C5orf46: variants seen among roughly 807,000 people sequenced by gnomAD.
C5orf46 encodes uncharacterized protein C5orf46.
C5orf46 carries 9 observed loss-of-function variants against 8.9 expected under a neutral mutation model. The ratio of observed to expected loss-of-function variants is 1.01; its 90% CI spans 0.61 to 1.76. The LOEUF (loss-of-function observed/expected upper bound fraction) is 1.76. C5orf46 is among the 40% of genes most tolerant of loss of function. The pLI is 0.00. For synonymous variants in C5orf46, 47 were observed against 41.4 expected (o/e 1.14, Z -0.52); for missense variants, 98 against 107.8 (o/e 0.91, Z 0.40).
chr5:147,899,759 T>C (rs1432324530), intron 2 of C5orf46, among the ~76,000 whole-genome samples: 1 of 152,188 alleles, frequency 6.6e-6, no homozygotes, highest in Non-Finnish European at 1.5e-5. Flanking sequence ...ATAGAATAGT[T>C]TCTGAGGAAG....
At chr5:147,896,072 A>T (rs930179764) in intron 3 of C5orf46, among the ~76,000 whole-genome samples, 1 of 152,196 alleles carries the variant, frequency 6.6e-6, no homozygotes, top group African/African-American at 2.4e-5. Context: ...AACTAAGCAA[A>T]GGGGTGGTGT....
intron 1 of C5orf46, among the ~76,000 whole-genome samples, chr5:147,904,299 A>C (rs149092156): frequency 1.7e-3 from 262 of 152,356 alleles, no homozygotes; most frequent in Non-Finnish European, 3.2e-3. Context: ...GTTACAGCAG[A>C]GAAGACAGAT....
chr5:147,901,518 T>C (rs1757668718), intron 2 of C5orf46, 111 bp downstream of exon 2: 1 of 959,550 alleles, frequency 1.0e-6, no homozygotes, highest in Admixed American at 3.0e-5. Context: ...AAATAACACA[T>C]TTACTTATGC....
rs771350207 is a variant in C5orf46 at position 147,906,414 on chromosome 5, G to A, written c.70+18C>T. On this transcript the variant is annotated intron_variant, in intron 1 of 3. Transcript: ENST00000318315. ...CTAACTACTGAACAATTCATGGGCT[G>A]TGATCAGAAGCACTTACCTGCATAG... The A allele has an allele frequency of 1.3e-6, 2 of 1,574,102 alleles. No individual in the cohort carries two copies. The highest frequency in any genetic ancestry group is 1.7e-5 in the Admixed American group (1 of 59,468).
chr5:147,905,093 T>C (rs1213567476), intron 1 of C5orf46, among the ~76,000 whole-genome samples: 1 of 152,038 alleles, frequency 6.6e-6, no homozygotes, highest in East Asian at 1.9e-4. Context: ...TATTAAACGA[T>C]TGATATCCTA....
At chr5:147,895,174 A>G (rs900592289) in intron 3 of C5orf46, among the ~76,000 whole-genome samples, 1 of 152,100 alleles carries the variant, frequency 6.6e-6, no homozygotes, top group African/African-American at 2.4e-5. Flanking sequence ...TATAATCGGA[A>G]CAGTTTAGGA....
chr5:147,900,201 C>G (rs988355424), intron 2 of C5orf46, among the ~76,000 whole-genome samples: 1 of 152,056 alleles, frequency 6.6e-6, no homozygotes, highest in Admixed American at 6.6e-5. Flanking sequence ...TTTACATTAA[C>G]AGTCTTGGAA....
intron 2 of C5orf46, among the ~76,000 whole-genome samples, chr5:147,898,970 T>C (rs930611617): frequency 6.6e-6 from 1 of 152,130 alleles, no homozygotes; most frequent in African/African-American, 2.4e-5. Flanking sequence ...GCATCAGACA[T>C]ATTGGAGTAA....
chr5:147,905,153 A>G (rs538376312), intron 1 of C5orf46, among the ~76,000 whole-genome samples: 1 of 152,166 alleles, frequency 6.6e-6, no homozygotes, highest in African/African-American at 2.4e-5. Flanking sequence ...TTCAAGTATT[A>G]TATGGGATAG....
At chr5:147,901,908 A>T in intron 1 of C5orf46, 135 bp from the exon 2 acceptor site, 1 of 852,560 alleles carries the variant, frequency 1.2e-6, no homozygotes, top group Non-Finnish European at 1.8e-6. Flanking sequence ...TTCATCGAAC[A>T]TTTAATGCCT....
chr5:147,900,352 G>A (rs1445901242), intron 2 of C5orf46, among the ~76,000 whole-genome samples: 2 of 152,102 alleles, frequency 1.3e-5, no homozygotes, highest in Non-Finnish European at 2.9e-5. Flanking sequence ...AAGCAGATCA[G>A]AGATTACAAA....
At chr5:147,886,425 GATC>G (rs749937425) in intron 2 of C5orf46, 1 of 151,320 alleles carries the variant, frequency 6.6e-6, no homozygotes, top group Non-Finnish European at 1.5e-5. Flanking sequence ...TTATTTTAAA[GATC>G]ATCAGAATAT....
At position 147,892,871 on chromosome 5, in the gene C5orf46, T is replaced by G. The variant is rs1757522682; in HGVS notation, c.*78A>C. The G allele has an allele frequency of 6.6e-6, 1 of 152,168 alleles. No homozygotes were observed. The highest frequency in any genetic ancestry group is 1.5e-5 in the Non-Finnish European group (1 of 68,030). The allele number at this position is 152,168 out of a possible 1,614,324, so 9.4% of individuals were successfully genotyped here. ...CTTTGAGGGCTCTGTCCTGGAGGACTTGTGGAGCCAAACTGGAAAAGCAGG... is the reference window on the plus strand; with the variant it reads ...CTTTGAGGGCTCTGTCCTGGAGGACGTGTGGAGCCAAACTGGAAAAGCAGG... On this transcript the variant is annotated 3_prime_UTR_variant, in exon 4 of 4. Transcript: ENST00000318315.
intron 2 of C5orf46, among the ~76,000 whole-genome samples, chr5:147,899,616 T>C (rs1279536206): frequency 6.6e-6 from 1 of 152,216 alleles, no homozygotes; most frequent in Non-Finnish European, 1.5e-5. Context: ...GTCTCTACTT[T>C]CACTTAGCTA....
intron 2 of C5orf46, chr5:147,886,597 C>A (rs1757424157): frequency 6.6e-6 from 1 of 150,960 alleles, no homozygotes; most frequent in South Asian, 2.1e-4. Context: ...TTAGAGGAAA[C>A]CACTGTTCAC....
chr5:147,891,327 C>A (rs1203625191), downstream of C5orf46, among the ~76,000 whole-genome samples: 2 of 152,080 alleles, frequency 1.3e-5, no homozygotes, highest in East Asian at 3.8e-4. Flanking sequence ...AACAGGTGTA[C>A]CTGCTGGCTG....
chr5:147,892,421 T>C (rs1197384452), downstream of C5orf46, among the ~76,000 whole-genome samples: 2 of 152,214 alleles, frequency 1.3e-5, no homozygotes, highest in African/African-American at 4.8e-5. Context: ...TCAGATAGTT[T>C]TAAAATACTT....
intron 1 of C5orf46, 81 bp downstream of exon 1, chr5:147,906,351 T>A (rs1303578168): frequency 2.3e-6 from 2 of 859,668 alleles, no homozygotes; most frequent in Non-Finnish European, 3.6e-6. Context: ...CTTTCTTTTA[T>A]GTTCTGAATC....
At chr5:147,898,673 G>A (rs1416143900) in intron 2 of C5orf46, among the ~76,000 whole-genome samples, 2 of 152,092 alleles carry the variant, frequency 1.3e-5, no homozygotes, top group Non-Finnish European at 2.9e-5. Flanking sequence ...GAGGGCAGGT[G>A]CATGAAGAAA....
Sources: allele counts gnomAD v4.1 joint callset (sites outside exome capture counted in the v4.1 genomes callset), GRCh38; gene constraint gnomAD v4.1.1; transcripts MANE v1.5; gene names NCBI Gene and HGNC (gene_info 2026-07-23, HGNC 2026-07-21).